DHCR24: variants seen among roughly 807,000 people sequenced by gnomAD.
DHCR24 encodes 24-dehydrocholesterol reductase.
Under a neutral mutation model 61.2 loss-of-function variants are expected in DHCR24, and 28 were observed. The observed-to-expected ratio is 0.46, with a 90% confidence interval of 0.34 to 0.63. The LOEUF (loss-of-function observed/expected upper bound fraction) is 0.63, where lower values mean the gene tolerates loss of function less well. Ranked by LOEUF, DHCR24 falls within the 20% of genes least tolerant of loss-of-function variation. The pLI is 0.01. For synonymous variants in DHCR24, 261 were observed against 275.9 expected, an observed-to-expected ratio of 0.95 and a Z score of 0.54; for missense variants, 538 against 679.1, an observed-to-expected ratio of 0.79 and a Z score of 2.31.
At chr1:54,878,078 AG>A in intron 2 of DHCR24, among the ~76,000 whole-genome samples, 1 of 151,970 alleles carries the variant, frequency 6.6e-6, no homozygotes, top group East Asian at 1.9e-4. Flanking sequence ...AGTACTGGAG[AG>A]GAGAGAGTTG....
chr1:54,853,722 C>A, intron 7 of DHCR24, 110 bp from the exon 8 acceptor site: 1 of 1,281,524 alleles, frequency 7.8e-7, no homozygotes, highest in Non-Finnish European at 1.1e-6. Flanking sequence ...ATTCTCAAGA[C>A]CCCCTCAGGT....
chr1:54,864,832 C>A (rs1413398844), intron 6 of DHCR24, among the ~76,000 whole-genome samples: 1 of 152,144 alleles, frequency 6.6e-6, no homozygotes, highest in Admixed American at 6.5e-5. Context: ...GACCTTCCCC[C>A]ACTTAAAGTG....
At chr1:54,858,517 T>C (rs557050505) in intron 6 of DHCR24, among the ~76,000 whole-genome samples, 3 of 152,370 alleles carry the variant, frequency 2.0e-5, no homozygotes, top group Admixed American at 1.3e-4. Flanking sequence ...AACACACCTA[T>C]TCTTCCAGAT....
chr1:54,878,461 C>T (rs1309572756), intron 2 of DHCR24, among the ~76,000 whole-genome samples: 1 of 139,100 alleles, frequency 7.2e-6, no homozygotes, highest in Non-Finnish European at 1.5e-5. Flanking sequence ...TTGCAGTGAC[C>T]CGAGATTGCA....
At chr1:54,873,090 TTTC>T (rs1474421440) in intron 4 of DHCR24, among the ~76,000 whole-genome samples, 1 of 152,200 alleles carries the variant, frequency 6.6e-6, no homozygotes, top group Non-Finnish European at 1.5e-5. Flanking sequence ...GGTAGAAGTG[TTTC>T]TTATTTTTCT....
In DHCR24 at chr1:54,866,845, G is replaced by A. The variant is rs1646970828; in HGVS notation, c.877-1399C>T. ...CCTCTTTGCCCAAATTAGTTTTGGT[G>A]TGGATGGTATGGGGCAGCGCAAAAA... is the stretch of plus-strand genomic sequence containing the variant. On this transcript the variant is annotated intron_variant, in intron 5 of 8. Coordinates refer to ENST00000371269, the MANE Select transcript of DHCR24 (RefSeq NM_014762.4). Among the ~76,000 whole-genome samples the A allele has an allele frequency of 2.6e-5, 4 of 152,252 alleles. No individual in the cohort carries two copies. In the South Asian group the frequency reaches 8.3e-4, roughly 32 times the overall value.
intron 6 of DHCR24, among the ~76,000 whole-genome samples, chr1:54,855,632 G>C (rs1336292068): frequency 6.6e-6 from 1 of 152,174 alleles, no homozygotes; most frequent in Non-Finnish European, 1.5e-5. Flanking sequence ...CCCCAAAGCA[G>C]CCATGTGTGT....
chr1:54,857,454 A>T (rs1362463545), intron 6 of DHCR24, among the ~76,000 whole-genome samples: 5 of 152,248 alleles, frequency 3.3e-5, no homozygotes, highest in Non-Finnish European at 5.9e-5. Context: ...TAAAATGATG[A>T]CATAAAAAGG....
At chr1:54,868,729 G>A (rs548717470) in intron 5 of DHCR24, among the ~76,000 whole-genome samples, 10 of 114,898 alleles carry the variant, frequency 8.7e-5, no homozygotes, top group Non-Finnish European at 1.8e-4. Context: ...TAACAATGAC[G>A]GTTATGAAGG....
intron 5 of DHCR24, among the ~76,000 whole-genome samples, chr1:54,869,580 C>T (rs1332745045): frequency 9.0e-6 from 1 of 111,252 alleles, no homozygotes; most frequent in Non-Finnish European, 2.0e-5. Context: ...GACATGCACA[C>T]ATACATATAC....
chr1:54,872,168 T>G (rs1434482429), intron 4 of DHCR24, among the ~76,000 whole-genome samples: 1 of 152,176 alleles, frequency 6.6e-6, no homozygotes, highest in East Asian at 1.9e-4. Context: ...AGAGCTGCCA[T>G]GACTCACCAA....
chr1:54,860,191 C>A (rs113419309), intron 6 of DHCR24, among the ~76,000 whole-genome samples: 2,662 of 152,342 alleles, frequency 0.017, 55 homozygotes, highest in Non-Finnish European at 0.021. Context: ...TCATGCCTTA[C>A]ATTCTAATGT....
chr1:54,864,983 G>A (rs529478167), intron 6 of DHCR24, among the ~76,000 whole-genome samples: 45 of 152,288 alleles, frequency 3.0e-4, no homozygotes, highest in African/African-American at 1.0e-3. Flanking sequence ...CCTTTACAGT[G>A]CAGGGATCTG....
chr1:54,854,230 A>G lies in DHCR24; in HGVS notation c.1025T>C (p.Ile342Thr). The G allele has an allele frequency of 6.2e-7, 1 of 1,612,960 alleles. No individual in the cohort carries two copies. The highest frequency in any genetic ancestry group is 8.5e-7 in the Non-Finnish European group (1 of 1,179,446). ...TRSIFWELQD[I>T]IPFGNNPIFR... is the part of the protein sequence containing the mutation. ...GATGGGGTTGTTGCCAAAGGGGATA[A>G]TGTCCTGGAAAACAAAGATTAGGGT... Residue 342 changes from isoleucine (I) to threonine (T), a missense_variant, in exon 7 of 9, where the codon ATT (isoleucine) becomes ACT (threonine). Physicochemically the swap from Ile to Thr is moderately conservative, Grantham distance 89. Coordinates refer to ENST00000371269, the MANE Select transcript of DHCR24 (RefSeq NM_014762.4).
intron 6 of DHCR24, among the ~76,000 whole-genome samples, chr1:54,865,062 G>A (rs769132072): frequency 2.6e-5 from 4 of 152,136 alleles, no homozygotes; most frequent in East Asian, 1.9e-4. Context: ...CCAAAGTACC[G>A]GCCCAGGGGC....
intron 6 of DHCR24, among the ~76,000 whole-genome samples, chr1:54,860,638 T>G (rs619658): frequency 6.6e-6 from 1 of 152,168 alleles, no homozygotes; most frequent in Admixed American, 6.5e-5. Context: ...CCGAATCCCA[T>G]CATCCTTGGT....
At chr1:54,862,294 C>G (rs551794856) in intron 6 of DHCR24, among the ~76,000 whole-genome samples, 1 of 152,328 alleles carries the variant, frequency 6.6e-6, no homozygotes, top group African/African-American at 2.4e-5. Flanking sequence ...TTTGTTTTCA[C>G]TGTGTCCACC....
chr1:54,863,782 A>G (rs1646951546), intron 6 of DHCR24, among the ~76,000 whole-genome samples: 1 of 152,218 alleles, frequency 6.6e-6, no homozygotes, highest in African/African-American at 2.4e-5. Context: ...AATTGGAGAA[A>G]ATGTTTGCAG....
intron 2 of DHCR24, among the ~76,000 whole-genome samples, chr1:54,877,563 C>T (rs1217695971): frequency 6.6e-6 from 1 of 151,632 alleles, no homozygotes; most frequent in East Asian, 2.0e-4. Flanking sequence ...CGAGACCAGC[C>T]AGGACAACAT....
Sources: gnomAD v4.1 joint callset for allele counts (sites outside exome capture counted in the v4.1 genomes callset) on GRCh38, gnomAD v4.1.1 for gene constraint, MANE v1.5 for transcripts, NCBI Gene and HGNC (gene_info 2026-07-23, HGNC 2026-07-21) for gene names.